Variants in ELOVL7 observed in about 807,000 individuals in gnomAD.
ELOVL7 encodes very long chain fatty acid elongase 7.
Under a neutral mutation model 35.7 loss-of-function variants are expected in ELOVL7, and 27 were observed. That is an observed-to-expected ratio of 0.76 (90% CI 0.56 to 1.04). The LOEUF is 1.04. Among genes scored for constraint, ELOVL7 ranks in the 50% least tolerant of loss-of-function variants. The pLI, the probability that ELOVL7 is intolerant of heterozygous loss-of-function variation, is 0.00. For synonymous variants in ELOVL7, 113 were observed against 114.6 expected (o/e 0.99, Z 0.09); for missense variants, 327 against 340.8 (o/e 0.96, Z 0.32).
rs1741632292 is a variant in ELOVL7, at chr5:60,757,730, T to C, written c.500-85A>G. Reference sequence around the variant, plus strand: ...ATCTGAACTGAGATTTTTGTATAATTATTTCTTGCATTTTGGAAAAAAATA... The same window carrying C: ...ATCTGAACTGAGATTTTTGTATAATCATTTCTTGCATTTTGGAAAAAAATA... On this transcript the variant is annotated intron_variant, in intron 7 of 8. Transcript: ENST00000508821. 10 of 1,267,670 alleles carry C rather than the reference T, an allele frequency of 7.9e-6. No homozygotes were observed. The Middle Eastern group carries it at 8.1e-4, about 102-fold the overall frequency. 78.5% of individuals were successfully genotyped at this position (1,267,670 alleles called of 1,614,324 possible).
intron 3 of ELOVL7, among the ~76,000 whole-genome samples, chr5:60,782,561 CT>C (rs1287923545): frequency 6.6e-6 from 1 of 152,138 alleles, no homozygotes; most frequent in African/African-American, 2.4e-5. Context: ...AAAGTTATGC[CT>C]TTCTGAATTA....
At chr5:60,770,878 T>G (rs915506505) in intron 4 of ELOVL7, among the ~76,000 whole-genome samples, 1 of 152,184 alleles carries the variant, frequency 6.6e-6, no homozygotes, top group African/African-American at 2.4e-5. Context: ...TTTTGTATTT[T>G]TTGTAGACAC....
chr5:60,825,122 AC>A (rs1746096124), intron 1 of ELOVL7, among the ~76,000 whole-genome samples: 1 of 150,522 alleles, frequency 6.6e-6, no homozygotes, highest in Non-Finnish European at 1.5e-5. Context: ...CTGGTCTCAA[AC>A]TCCTGACCTC....
At chr5:60,775,000 G>A (rs1282820665) in intron 3 of ELOVL7, among the ~76,000 whole-genome samples, 5 of 151,978 alleles carry the variant, frequency 3.3e-5, no homozygotes, top group East Asian at 3.9e-4. Context: ...TCCTGACCTC[G>A]TGATCTGCCC....
chr5:60,754,877 G>A (rs1584138553), intron 8 of ELOVL7, 44 bp from the exon 9 acceptor site: 1 of 1,539,486 alleles, frequency 6.5e-7, no homozygotes, highest in Non-Finnish European at 8.9e-7. Flanking sequence ...GATATGAAGA[G>A]TTAACAATTC....
chr5:60,778,170 T>C (rs1743023681), intron 3 of ELOVL7, among the ~76,000 whole-genome samples: 1 of 152,198 alleles, frequency 6.6e-6, no homozygotes, highest in African/African-American at 2.4e-5. Context: ...GGATGTCTCG[T>C]TGTTTTGTGC....
intron 2 of ELOVL7, among the ~76,000 whole-genome samples, chr5:60,792,927 T>C (rs751950544): frequency 6.6e-6 from 1 of 152,192 alleles, no homozygotes; most frequent in African/African-American, 2.4e-5. Flanking sequence ...ATCCCCTTGA[T>C]GCATCCCTGC....
intron 1 of ELOVL7, among the ~76,000 whole-genome samples, chr5:60,813,915 C>T (rs144549485): frequency 5.9e-5 from 9 of 152,234 alleles, no homozygotes; most frequent in African/African-American, 2.2e-4. Context: ...ACGAAGGTCT[C>T]CCTTGTGACC....
At chr5:60,760,205 A>G (rs557072530) in intron 7 of ELOVL7, among the ~76,000 whole-genome samples, 23 of 152,318 alleles carry the variant, frequency 1.5e-4, no homozygotes, top group African/African-American at 5.3e-4. Flanking sequence ...ATCCCTGAGG[A>G]ATCGCCACAC....
At chr5:60,768,630 T>G in intron 4 of ELOVL7, 1 of 450,468 alleles carries the variant, frequency 2.2e-6, no homozygotes, top group Non-Finnish European at 4.5e-6. Context: ...TCAAAGATTA[T>G]AAAGATTATA....
At chr5:60,759,830 C>T (rs528758621) in intron 7 of ELOVL7, among the ~76,000 whole-genome samples, 72 of 152,000 alleles carry the variant, frequency 4.7e-4, no homozygotes, top group African/African-American at 1.4e-3. Context: ...GATGTTCCCC[C>T]TCCTGTGTCC....
chr5:60,818,293 G>A lies in ELOVL7; in HGVS notation c.-85-19063C>T, dbSNP rs376213501. 7.9e-5 allele frequency among the ~76,000 whole-genome samples: 11 copies of A among 139,140 alleles called. No homozygotes were observed. In the East Asian group the frequency reaches 1.2e-3, roughly 15 times the overall value. 91.3% of individuals were successfully genotyped at this position (139,140 alleles called of 152,430 possible). A position where few individuals can be genotyped will look rare whatever the true frequency, so the allele number is the denominator to read the frequency against. On this transcript the variant is annotated intron_variant, in intron 1 of 8. Transcript: ENST00000508821. ...AGATTGCACCACTGTGCTCCAGACT[G>A]GGCAACAGAGTGAGGTTCCATCTCA...
rs533036370 is a variant in ELOVL7, at chr5:60,815,599, G to A, written c.-85-16369C>T. ...TTATTTTTTTTTGAGACAGAGTCTC[G>A]TTCTGTTACCCAGGCTGGAATGCAA... On this transcript the variant is annotated intron_variant, in intron 1 of 8. Transcript: ENST00000508821. Among the ~76,000 whole-genome samples, 5 of 149,956 alleles carry A rather than the reference G, an allele frequency of 3.3e-5. No individual in the cohort carries two copies. The South Asian group carries it at 6.3e-4, about 19-fold the overall frequency.
At chr5:60,794,229 A>G (rs556486510) in intron 2 of ELOVL7, among the ~76,000 whole-genome samples, 1 of 152,372 alleles carries the variant, frequency 6.6e-6, no homozygotes, top group Non-Finnish European at 1.5e-5. Flanking sequence ...TTGCCTCTTT[A>G]GACCCAAATT....
rs143770282 is a variant in ELOVL7, at chr5:60,767,054, C to T, written c.337-424G>A. On this transcript the variant is annotated intron_variant, in intron 5 of 8. Transcript: ENST00000508821. Reference sequence around the variant, plus strand: ...ATTCCCTTCCTTTTAAAGGCTGAATCATATTCCATTCTATACATATGCCAC... The same window carrying T: ...ATTCCCTTCCTTTTAAAGGCTGAATTATATTCCATTCTATACATATGCCAC... 3.3e-4 allele frequency among the ~76,000 whole-genome samples: 51 copies of T among 152,302 alleles called. 1 individual carries two copies. The Middle Eastern group carries it at 0.014, about 41-fold the overall frequency.
At chr5:60,810,757 G>A (rs1745195398) in intron 1 of ELOVL7, among the ~76,000 whole-genome samples, 1 of 152,116 alleles carries the variant, frequency 6.6e-6, no homozygotes. Context: ...TTCATTTGTG[G>A]ATATGTTTTA....
chr5:60,797,779 A>G (rs1251733738), intron 2 of ELOVL7, among the ~76,000 whole-genome samples: 3 of 152,172 alleles, frequency 2.0e-5, no homozygotes, highest in Admixed American at 6.5e-5. Context: ...CCCAATAGGC[A>G]TGGAAATGGG....
At chr5:60,829,220 C>T (rs1000752248) in intron 1 of ELOVL7, among the ~76,000 whole-genome samples, 1 of 151,836 alleles carries the variant, frequency 6.6e-6, no homozygotes, top group African/African-American at 2.4e-5. Flanking sequence ...AAATATTTCC[C>T]AATTCTTTTC....
intron 1 of ELOVL7, among the ~76,000 whole-genome samples, chr5:60,842,479 C>CA (rs1561482013): frequency 7.4e-6 from 1 of 135,314 alleles, no homozygotes; most frequent in Admixed American, 7.8e-5. Context: ...AACAAAGTCC[C>CA]AAAAATCTAT....
Sources: gnomAD v4.1 joint callset for allele counts (sites outside exome capture counted in the v4.1 genomes callset) on GRCh38, gnomAD v4.1.1 for gene constraint, MANE v1.5 for transcripts, NCBI Gene and HGNC (gene_info 2026-07-23, HGNC 2026-07-21) for gene names.